CDH12: variants seen among roughly 807,000 people sequenced by gnomAD.
CDH12 encodes the protein cadherin-12.
CDH12 carries 41 observed loss-of-function variants against 74.1 expected under a neutral mutation model. That is an observed-to-expected ratio of 0.55 (90% CI 0.43 to 0.72). CDH12 has a LOEUF of 0.72. CDH12 is among the 30% of genes least tolerant of loss of function. The probability of loss-of-function intolerance (pLI) is 0.00; values close to 1 mark genes in which losing one functional copy is unlikely to be tolerated. For synonymous variants in CDH12, 399 were observed against 355.0 expected, an observed-to-expected ratio of 1.12 and a Z score of -1.39; for missense variants, 945 against 977.2, an observed-to-expected ratio of 0.97 and a Z score of 0.44.
chr5:22,368,070 ATATC>A (rs1741108141), intron 3 of CDH12, among the ~76,000 whole-genome samples: 1 of 152,166 alleles, frequency 6.6e-6, no homozygotes, highest in Non-Finnish European at 1.5e-5. Context: ...GCAGTCTTCT[ATATC>A]TATAGACATA....
chr5:22,546,955 C>A (rs1738358303), intron 1 of CDH12, among the ~76,000 whole-genome samples: 1 of 152,072 alleles, frequency 6.6e-6, no homozygotes, highest in Non-Finnish European at 1.5e-5. Context: ...ATAGGTATAA[C>A]AAAAATAAAG....
At chr5:22,303,785 A>G (rs1737992250) in intron 3 of CDH12, among the ~76,000 whole-genome samples, 2 of 152,166 alleles carry the variant, frequency 1.3e-5, no homozygotes, top group African/African-American at 4.8e-5. Context: ...ATATTATTTG[A>G]GAATTCAAAG....
chr5:22,825,881 A>C (rs1401034606), intron 1 of CDH12, among the ~76,000 whole-genome samples: 2 of 152,202 alleles, frequency 1.3e-5, no homozygotes, highest in African/African-American at 4.8e-5. Flanking sequence ...GAATGGTGGT[A>C]ACTTGAGTCA....
At chr5:22,807,087 A>G (rs1748857683) in intron 1 of CDH12, among the ~76,000 whole-genome samples, 1 of 152,152 alleles carries the variant, frequency 6.6e-6, no homozygotes, top group African/African-American at 2.4e-5. Context: ...ATTTTCTTGT[A>G]GGGTTTTTAT....
intron 7 of CDH12, among the ~76,000 whole-genome samples, chr5:21,845,191 A>T (rs1189269465): frequency 6.6e-6 from 1 of 152,178 alleles, no homozygotes; most frequent in Non-Finnish European, 1.5e-5. Context: ...CCATCATACC[A>T]TTTCACATGA....
intron 6 of CDH12, among the ~76,000 whole-genome samples, chr5:21,957,707 T>C (rs1188504673): frequency 5.9e-5 from 9 of 152,194 alleles, no homozygotes; most frequent in Non-Finnish European, 1.0e-4. Context: ...GTTGGCTGCA[T>C]GTATGTCTTC....
In CDH12 at chr5:22,257,961, T is replaced by A. The variant is rs151314428; in HGVS notation, c.-332-45318A>T. On this transcript the variant is annotated intron_variant, in intron 3 of 14. Coordinates refer to ENST00000382254, the MANE Select transcript of CDH12 (RefSeq NM_004061.5). ...AAAAGTTAAAAAATAAAACACTTTA[T>A]AAAGTAAAAATGTTACAGTAAGTTA... Among the ~76,000 whole-genome samples the A allele has an allele frequency of 3.3e-3, 509 of 152,226 alleles. 1 individual carries two copies. The highest frequency in any genetic ancestry group is 0.012 in the African/African-American group (482 of 41,540).
rs1318239962 is a variant in CDH12 at position 22,580,117 on chromosome 5, A to C, written c.-522-74753T>G. The C allele has an allele frequency of 1.6e-5, 4 of 244,170 alleles. No homozygotes were observed. The East Asian group carries it at 4.5e-4, about 27-fold the overall frequency. 15.1% of individuals were successfully genotyped at this position (244,170 alleles called of 1,614,324 possible). ...AAGTAGACTTAGAGTCCCTGCCCCA[A>C]ATAGGACCTCATACCATTTTCCTGA... On this transcript the variant is annotated intron_variant, in intron 1 of 14. Coordinates refer to ENST00000382254, the MANE Select transcript of CDH12 (RefSeq NM_004061.5).
intron 3 of CDH12, among the ~76,000 whole-genome samples, chr5:22,251,417 G>A (rs968798667): frequency 6.6e-6 from 1 of 152,180 alleles, no homozygotes; most frequent in African/African-American, 2.4e-5. Context: ...AAAAACACCA[G>A]TGTACACTGG....
chr5:22,131,283 A>G (rs1746164537), intron 4 of CDH12, among the ~76,000 whole-genome samples: 1 of 152,006 alleles, frequency 6.6e-6, no homozygotes, highest in Admixed American at 6.6e-5. Flanking sequence ...TGTAGATGAA[A>G]CATACTTTTT....
chr5:22,490,625 AG>A (rs1746823521), intron 2 of CDH12, among the ~76,000 whole-genome samples: 2 of 152,252 alleles, frequency 1.3e-5, no homozygotes, highest in African/African-American at 4.8e-5. Flanking sequence ...AAGTAATTAA[AG>A]ATTACTGATC....
intron 3 of CDH12, among the ~76,000 whole-genome samples, chr5:22,231,862 A>C (rs1274688978): frequency 6.6e-6 from 1 of 151,980 alleles, no homozygotes; most frequent in Non-Finnish European, 1.5e-5. Flanking sequence ...TTACTAAATA[A>C]AATCTTATTT....
In CDH12 at chr5:22,847,604, CA is replaced by C. The variant is rs1737363966; in HGVS notation, c.-523+5453del. On this transcript the variant is annotated intron_variant, in intron 1 of 14. Coordinates refer to ENST00000382254, the MANE Select transcript of CDH12 (RefSeq NM_004061.5). ...TGAGCATTTGAAGCTCTTTCCATTA[CA>C]TTTAAAAGTATTATTTTTGATCGTT... is the stretch of plus-strand genomic sequence containing the variant. Among the ~76,000 whole-genome samples, 4 of 152,130 alleles carry C rather than the reference CA, an allele frequency of 2.6e-5. No homozygotes were observed. In the East Asian group the frequency reaches 7.7e-4, roughly 29 times the overall value.
chr5:22,060,708 G>A (rs889530398), intron 5 of CDH12, among the ~76,000 whole-genome samples: 18 of 152,214 alleles, frequency 1.2e-4, no homozygotes, highest in African/African-American at 3.6e-4. Flanking sequence ...AAGCCCTGCA[G>A]GTTCTTTTTT....
chr5:21,834,501 A>G (rs184473673), intron 8 of CDH12, among the ~76,000 whole-genome samples: 111 of 152,020 alleles, frequency 7.3e-4, no homozygotes, highest in Non-Finnish European at 1.3e-3. Context: ...GATTAGGTAA[A>G]TTTGTTATCA....
At chr5:21,863,826 A>G (rs537065364) in intron 6 of CDH12, among the ~76,000 whole-genome samples, 12 of 152,306 alleles carry the variant, frequency 7.9e-5, no homozygotes, top group African/African-American at 2.9e-4. Flanking sequence ...TTCTTTGCAG[A>G]ATAACATGAA....
intron 1 of CDH12, among the ~76,000 whole-genome samples, chr5:22,617,439 A>G (rs1350316076): frequency 6.6e-6 from 1 of 152,124 alleles, no homozygotes; most frequent in Non-Finnish European, 1.5e-5. Flanking sequence ...AGGGGAGATC[A>G]TATGTTTAGG....
intron 6 of CDH12, among the ~76,000 whole-genome samples, chr5:21,864,582 G>C (rs887734866): frequency 6.6e-6 from 1 of 152,098 alleles, no homozygotes; most frequent in Non-Finnish European, 1.5e-5. Context: ...AAACTTCCCA[G>C]TCTTAGGTAT....
chr5:22,130,041 T>G (rs1746098847), intron 4 of CDH12, among the ~76,000 whole-genome samples: 1 of 151,534 alleles, frequency 6.6e-6, no homozygotes, highest in Non-Finnish European at 1.5e-5. Flanking sequence ...GATGAGAAAT[T>G]TAAATTTGAG....
Sources: allele counts gnomAD v4.1 joint callset (sites outside exome capture counted in the v4.1 genomes callset), GRCh38; gene constraint gnomAD v4.1.1; transcripts MANE v1.5; gene names NCBI Gene and HGNC (gene_info 2026-07-23, HGNC 2026-07-21).